Variants in ANKRD6 observed in about 807,000 individuals in gnomAD.
The protein encoded by ANKRD6 is ankyrin repeat domain 6.
In ANKRD6, 56 loss-of-function variants were observed where a neutral mutation model predicts 82.3. The observed-to-expected ratio is 0.68, with a 90% CI of 0.55 to 0.85. The LOEUF (loss-of-function observed/expected upper bound fraction) is 0.85. Ranked by LOEUF, ANKRD6 falls within the 40% of genes least tolerant of loss-of-function variation. The probability of loss-of-function intolerance (pLI) is 0.00; values close to 1 mark genes in which losing one functional copy is unlikely to be tolerated. For synonymous variants in ANKRD6, 347 were observed against 352.1 expected, an observed-to-expected ratio of 0.99 and a Z score of 0.16; for missense variants, 852 against 907.6, an observed-to-expected ratio of 0.94 and a Z score of 0.79.
intron 2 of ANKRD6, among the ~76,000 whole-genome samples, chr6:89,583,219 A>G (rs1287327015): frequency 1.3e-5 from 2 of 152,214 alleles, no homozygotes; most frequent in Admixed American, 6.5e-5. Context: ...GCATCGGGCC[A>G]AGCCAGTGGT....
In ANKRD6 at chr6:89,632,829, C is replaced by G. The variant is rs1807673068; in HGVS notation, c.*1825C>G. 1 of 152,168 alleles carries G rather than the reference C, an allele frequency of 6.6e-6. No individual in the cohort carries two copies. The highest frequency in any genetic ancestry group is 1.5e-5 in the Non-Finnish European group (1 of 68,024). The allele number at this position is 152,168 out of a possible 1,614,324, so 9.4% of individuals were successfully genotyped here. A position where few individuals can be genotyped will look rare whatever the true frequency, so the allele number is the denominator to read the frequency against. On this transcript the variant is annotated 3_prime_UTR_variant, in exon 16 of 16. Transcript: ENST00000339746. ...AAATCTATTCTCAAACAGGATATCA[C>G]TAACCTCTTTAGAATCATTCCTCAG...
chr6:89,595,056 A>T (rs565091234), intron 2 of ANKRD6, among the ~76,000 whole-genome samples: 33 of 152,084 alleles, frequency 2.2e-4, no homozygotes, highest in Admixed American at 4.6e-4. Flanking sequence ...CCAGCGTAGA[A>T]TTTTTTTTTA....
intron 1 of ANKRD6, among the ~76,000 whole-genome samples, chr6:89,453,132 C>T (rs1485523485): frequency 6.6e-6 from 1 of 152,238 alleles, no homozygotes; most frequent in Non-Finnish European, 1.5e-5. Context: ...TCATTCCCTT[C>T]TTCCAAAAGT....
Position 89,617,995 on chromosome 6 carries a change from C to G in ANKRD6, c.756C>G (p.Asn252Lys), listed in dbSNP as rs373579948. ...TPLETARYHNNPEVALLLTKA... is the reference protein window; with the variant it reads ...TPLETARYHNKPEVALLLTKA... Reference sequence around the variant, plus strand: ...TGGAGACTGCCCGCTACCACAATAACCCGGAAGTTGCTCTTCTCCTTACTA... The same window carrying G: ...TGGAGACTGCCCGCTACCACAATAAGCCGGAAGTTGCTCTTCTCCTTACTA... Residue 252 changes from asparagine (N) to lysine (K), a missense_variant, in exon 9 of 16, where the codon AAC becomes AAG. Asn to Lys is a moderately conservative substitution (Grantham distance 94). Transcript: ENST00000339746. 1.7e-5 allele frequency: 27 copies of G among 1,613,922 alleles called. No homozygotes were observed. Among genetic ancestry groups the G allele is most frequent in the Non-Finnish European group, 2.3e-5 (27 of 1,179,914 alleles).
At position 89,463,842 on chromosome 6, in the gene ANKRD6, C is replaced by T. The variant is rs553018214; in HGVS notation, c.-144+30467C>T. ...CTGGGAATACAAGCATAAGCCACCA[C>T]GCCCAGTCAAAAATCTTATTTTATA... is the stretch of plus-strand genomic sequence containing the variant. On this transcript the variant is annotated intron_variant, in intron 1 of 15. Coordinates refer to ENST00000339746, the MANE Select transcript of ANKRD6 (RefSeq NM_001242809.2). Among the ~76,000 whole-genome samples the T allele has an allele frequency of 4.8e-4, 73 of 152,216 alleles. 1 individual carries two copies. Among genetic ancestry groups the T allele is most frequent in the Admixed American group, 1.2e-3 (18 of 15,286 alleles).
intron 2 of ANKRD6, among the ~76,000 whole-genome samples, chr6:89,573,717 C>T (rs1167295954): frequency 1.3e-5 from 2 of 152,202 alleles, no homozygotes; most frequent in African/African-American, 4.8e-5. Flanking sequence ...GAAACCTAGG[C>T]AGAGAATTAT....
chr6:89,558,816 TG>T (rs1025987328), intron 1 of ANKRD6, among the ~76,000 whole-genome samples: 72 of 46,916 alleles, frequency 1.5e-3, no homozygotes, highest in African/African-American at 5.8e-3. Flanking sequence ...TCTGTAGGGG[TG>T]GGGGTGGGCA....
At chr6:89,465,312 G>T (rs186947262) in intron 1 of ANKRD6, among the ~76,000 whole-genome samples, 1 of 151,668 alleles carries the variant, frequency 6.6e-6, no homozygotes, top group Admixed American at 6.6e-5. Context: ...GTAGAGATGG[G>T]GTTTCACCAT....
chr6:89,599,697 A>C (rs988119245), intron 3 of ANKRD6, among the ~76,000 whole-genome samples: 1 of 152,180 alleles, frequency 6.6e-6, no homozygotes, highest in Non-Finnish European at 1.5e-5. Flanking sequence ...CAAGATGATA[A>C]CCTGAGGCAG....
chr6:89,493,388 C>T (rs112384115), intron 1 of ANKRD6, among the ~76,000 whole-genome samples: 1 of 151,778 alleles, frequency 6.6e-6, no homozygotes, highest in Non-Finnish European at 1.5e-5. Context: ...TCAACTCTCA[C>T]TCTCTCTCTC....
At chr6:89,547,478 G>A (rs955460496) in intron 1 of ANKRD6, among the ~76,000 whole-genome samples, 17 of 152,142 alleles carry the variant, frequency 1.1e-4, no homozygotes, top group Non-Finnish European at 2.4e-4. Context: ...CCAGGCCTCC[G>A]GGGGTGTCAC....
chr6:89,553,432 A>G (rs1196961317), intron 1 of ANKRD6, among the ~76,000 whole-genome samples: 1 of 152,140 alleles, frequency 6.6e-6, no homozygotes, highest in Non-Finnish European at 1.5e-5. Flanking sequence ...ACTGTTGGAA[A>G]CCAAATTAGA....
At chr6:89,617,788 G>T (rs750059564) in intron 8 of ANKRD6, among the ~76,000 whole-genome samples, 166 bp from the exon 9 acceptor site, 10 of 152,196 alleles carry the variant, frequency 6.6e-5, no homozygotes, top group Non-Finnish European at 1.3e-4. Context: ...AGGGTCTGAG[G>T]CTGATGACCA....
At chr6:89,491,418 A>G (rs1207229527) in intron 1 of ANKRD6, among the ~76,000 whole-genome samples, 2 of 152,194 alleles carry the variant, frequency 1.3e-5, no homozygotes, top group South Asian at 2.1e-4. Flanking sequence ...CATACAATCT[A>G]GGAAGAATTG....
At chr6:89,594,916 A>C (rs1479699951) in intron 2 of ANKRD6, among the ~76,000 whole-genome samples, 1 of 151,830 alleles carries the variant, frequency 6.6e-6, no homozygotes, top group East Asian at 1.9e-4. Context: ...CTAATTTTTA[A>C]AAAAGAAAAT....
intron 2 of ANKRD6, among the ~76,000 whole-genome samples, chr6:89,593,747 C>A (rs1795334006): frequency 6.6e-6 from 1 of 152,144 alleles, no homozygotes; most frequent in South Asian, 2.1e-4. Flanking sequence ...GGCCATGGTT[C>A]ATTGATGTTT....
intron 1 of ANKRD6, among the ~76,000 whole-genome samples, chr6:89,482,794 T>C (rs1283637948): frequency 6.6e-6 from 1 of 152,194 alleles, no homozygotes; most frequent in African/African-American, 2.4e-5. Flanking sequence ...CCTCAAATGA[T>C]TTCTTCCTCA....
chr6:89,623,578 G>A (rs1290060732), intron 11 of ANKRD6, 34 bp downstream of exon 11: 2 of 1,562,532 alleles, frequency 1.3e-6, no homozygotes, highest in Non-Finnish European at 1.7e-6. Context: ...CAGAGGGGTG[G>A]CTGGGAGGCA....
chr6:89,586,910 C>T (rs944802518), intron 2 of ANKRD6, among the ~76,000 whole-genome samples: 8 of 151,982 alleles, frequency 5.3e-5, no homozygotes, highest in South Asian at 2.1e-4. Context: ...AATTCTTGGC[C>T]GGGCACAGTG....
Sources: allele counts gnomAD v4.1 joint callset (sites outside exome capture counted in the v4.1 genomes callset), GRCh38; gene constraint gnomAD v4.1.1; transcripts MANE v1.5; gene names NCBI Gene and HGNC (gene_info 2026-07-23, HGNC 2026-07-21).